The following GABRE variants were observed in gnomAD, a reference collection of about 807,000 sequenced individuals.
GABRE encodes the protein gamma-aminobutyric acid type A receptor subunit epsilon.
In GABRE, 20 loss-of-function variants were observed where a neutral mutation model predicts 31.0. The observed-to-expected ratio is 0.64, with a 90% CI of 0.45 to 0.94. GABRE has a LOEUF of 0.94. GABRE is among the 40% of genes least tolerant of loss of function. GABRE has a pLI of 0.00. For synonymous variants in GABRE, 155 were observed against 150.6 expected, an observed-to-expected ratio of 1.03 and a Z score of -0.21; for missense variants, 420 against 410.7, an observed-to-expected ratio of 1.02 and a Z score of -0.20.
intron 2 of GABRE, 141 bp from the exon 3 acceptor site, chrX:151,969,877 T>G: frequency 9.2e-7 from 1 of 1,086,224 alleles, no homozygotes; most frequent in Non-Finnish European, 1.2e-6. Flanking sequence ...TTTCTTTATT[T>G]ATTCTTTCAT....
intron 1 of GABRE, chrX:151,971,981 A>G (rs767233536): frequency 3.0e-4 from 208 of 699,001 alleles, no homozygotes; most frequent in Non-Finnish European, 3.5e-4. Context: ...TACTTGTGAA[A>G]AGCCACTGAG....
chrX:151,969,974 G>GA, intron 2 of GABRE: 1 of 1,075,448 alleles, frequency 9.3e-7, no homozygotes, highest in Non-Finnish European at 1.2e-6. Context: ...TTTACCACTG[G>GA]AAAAACTGAG....
chrX:151,971,062 A>C (rs770204916), intron 1 of GABRE: 123 of 821,476 alleles, frequency 1.5e-4, no homozygotes, highest in Non-Finnish European at 1.7e-4. Flanking sequence ...ACCACAGCCA[A>C]GAAAAAGAAG....
intron 6 of GABRE, 196 bp downstream of exon 6, chrX:151,959,643 C>T: frequency 1.8e-6 from 1 of 547,556 alleles, no homozygotes; most frequent in Non-Finnish European, 3.3e-6. Context: ...GCACTTACTT[C>T]TTTGCAGATG....
In GABRE at chrX:151,962,605, G is replaced by A. The variant is rs769124031; in HGVS notation, c.381C>T (p.Tyr127=). 9.1e-6 allele frequency: 11 copies of A among 1,210,602 alleles called. No homozygotes were observed. Among genetic ancestry groups the A allele is most frequent in the South Asian group, 1.8e-5 (1 of 56,896 alleles). The change falls in exon 4 of 9, where the codon TAC becomes TAT. Residue 127 remains tyrosine, a synonymous_variant. Transcript: ENST00000370328. ...TIDIIFSQTW[Y]DERLCYNDTF... is the part of the protein sequence containing the mutation. Reference sequence around the variant, plus strand: ...TGTCGTTGTAACAGAGGCGTTCGTCGTACCAGGTCTGGGAGAAGATGATGT... The same window carrying A: ...TGTCGTTGTAACAGAGGCGTTCGTCATACCAGGTCTGGGAGAAGATGATGT...
chrX:151,956,809 G>A (rs906212108), intron 6 of GABRE: 1 of 111,918 alleles, frequency 8.9e-6, no homozygotes, highest in Non-Finnish European at 1.9e-5. Flanking sequence ...TCAGCTAGAC[G>A]GTCATGGCTC....
In GABRE at chrX:151,954,463, G is replaced by A. The variant is rs1259401660; in HGVS notation, c.*238C>T. 5.7e-6 allele frequency: 2 copies of A among 348,066 alleles called. No individual in the cohort carries two copies. The highest frequency in any genetic ancestry group is 5.2e-5 in the African/African-American group (2 of 38,202). The allele number at this position is 348,066 out of a possible 1,213,427, so 28.7% of individuals were successfully genotyped here. A position where few individuals can be genotyped will look rare whatever the true frequency, so the allele number is the denominator to read the frequency against. ...CATCACGGATGCTCCTTGAAGAAGA[G>A]GGAGGTGGCCCATTTATTAATAATT... On this transcript the variant is annotated 3_prime_UTR_variant, in exon 9 of 9. Coordinates refer to ENST00000370328, the MANE Select transcript of GABRE (RefSeq NM_004961.4).
intron 4 of GABRE, among the ~76,000 whole-genome samples, chrX:151,961,846 A>C (rs187858506): frequency 5.4e-5 from 6 of 111,589 alleles, no homozygotes; most frequent in Admixed American, 4.7e-4. Context: ...ACAAAACAAA[A>C]CAAACAAACA....
intron 1 of GABRE, among the ~76,000 whole-genome samples, chrX:151,973,782 G>A (rs774770108): frequency 1.8e-5 from 2 of 111,885 alleles, no homozygotes; most frequent in South Asian, 7.5e-4. Context: ...TTGTTCAAGG[G>A]AAACCTGAAA....
Position 151,954,983 on chromosome X carries a change from C to G in GABRE, c.1239G>C (p.Glu413Asp). The change falls in exon 9 of 9, where the codon GAG becomes GAC. Residue 413 changes from glutamate (E) to aspartate (D), a missense_variant. Physicochemically the swap from Glu to Asp is conservative, Grantham distance 45 (BLOSUM62 2). Coordinates refer to ENST00000370328, the MANE Select transcript of GABRE (RefSeq NM_004961.4). ...EAFVCQIVTTEGSDGEERPSC... is the reference protein window; with the variant it reads ...EAFVCQIVTTDGSDGEERPSC... Reference sequence around the variant, plus strand: ...ACGGGCGCTCCTCTCCATCACTTCCCTCAGTGGTGACAATCTGGCACACAA... The same window carrying G: ...ACGGGCGCTCCTCTCCATCACTTCCGTCAGTGGTGACAATCTGGCACACAA... The G allele has an allele frequency of 8.3e-7, 1 of 1,206,661 alleles. No homozygotes were observed. Among genetic ancestry groups the G allele is most frequent in the Non-Finnish European group, 1.1e-6 (1 of 892,890 alleles).
In GABRE at chrX:151,969,788, A is replaced by T. The variant is rs755196429; in HGVS notation, c.275-52T>A. The T allele has an allele frequency of 3.2e-5, 38 of 1,193,637 alleles. No homozygotes were observed. In the Middle Eastern group the frequency reaches 7.8e-4, roughly 24 times the overall value. ...GGTAAGTGTCAAACAGGCGCATGGG[A>T]CGGGGGAGGAAGTGGTCAGAGGGGA... On this transcript the variant is annotated intron_variant, in intron 2 of 8. Coordinates refer to ENST00000370328, the MANE Select transcript of GABRE (RefSeq NM_004961.4).
At position 151,955,356 on chromosome X, in the gene GABRE, C is replaced by T. The variant is rs775923936; in HGVS notation, c.1137+12G>A. 6.6e-6 allele frequency: 8 copies of T among 1,209,577 alleles called. No individual in the cohort carries two copies. Among genetic ancestry groups the T allele is most frequent in the Non-Finnish European group, 8.9e-6 (8 of 894,786 alleles). The stretch of plus-strand genomic sequence containing the variant: ...CCAAAGCCTTGCCACCACTCCCATA[C>T]CCAGCTCATACATGGCGGAGTTTAG... On this transcript the variant is annotated intron_variant, in intron 8 of 8. Coordinates refer to ENST00000370328, the MANE Select transcript of GABRE (RefSeq NM_004961.4).
At chrX:151,962,733 A>G in intron 3 of GABRE, 90 bp from the exon 4 acceptor site, 1 of 733,415 alleles carries the variant, frequency 1.4e-6, no homozygotes, top group South Asian at 2.3e-5. Context: ...TCCCTAACCT[A>G]GAATCCTAAA....
chrX:151,970,034 T>C, intron 2 of GABRE, 151 bp downstream of exon 2: 2 of 1,104,309 alleles, frequency 1.8e-6, no homozygotes, highest in Non-Finnish European at 2.4e-6. Flanking sequence ...CTGCTGAGAA[T>C]AGAGTTAATA....
intron 6 of GABRE, chrX:151,957,689 C>T (rs1934219161): frequency 4.2e-6 from 1 of 240,468 alleles, no homozygotes. Flanking sequence ...GATGCTAACA[C>T]ACACTTTCTT....
At chrX:151,965,716 G>A (rs767634351) in intron 3 of GABRE, among the ~76,000 whole-genome samples, 13 of 113,077 alleles carry the variant, frequency 1.1e-4, no homozygotes, top group Non-Finnish European at 2.1e-4. Flanking sequence ...CCATGGAGGC[G>A]GGCACAGCCC....
chrX:151,966,460 A>G (rs1399638767), intron 3 of GABRE, among the ~76,000 whole-genome samples: 2 of 112,077 alleles, frequency 1.8e-5, no homozygotes, highest in African/African-American at 6.5e-5. Flanking sequence ...CCCTCAAGCA[A>G]CTACACCAAC....
At chrX:151,966,357 G>C (rs1934524124) in intron 3 of GABRE, among the ~76,000 whole-genome samples, 1 of 111,860 alleles carries the variant, frequency 8.9e-6, no homozygotes, top group Admixed American at 9.5e-5. Flanking sequence ...TTTAATCTCA[G>C]ACTGGGTGTT....
intron 8 of GABRE, 42 bp downstream of exon 8, chrX:151,955,326 A>G: frequency 8.3e-7 from 1 of 1,209,090 alleles, no homozygotes; most frequent in Non-Finnish European, 1.1e-6. Context: ...GCATGTCTCT[A>G]CACTCCAAAG....
Sources: gnomAD v4.1 joint callset for allele counts (sites outside exome capture counted in the v4.1 genomes callset) on GRCh38, gnomAD v4.1.1 for gene constraint, MANE v1.5 for transcripts, NCBI Gene and HGNC (gene_info 2026-07-23, HGNC 2026-07-21) for gene names.